GRB10: variants seen among roughly 807,000 people sequenced by gnomAD.
The protein encoded by GRB10 is growth factor receptor-bound protein 10.
A neutral mutation model predicts 80.9 loss-of-function variants in GRB10; 20 were observed. That is an observed-to-expected ratio of 0.25 (90% CI 0.17 to 0.36). GRB10 has a LOEUF of 0.36. Ranked by LOEUF, GRB10 falls within the 10% of genes least tolerant of loss-of-function variation. GRB10 has a pLI of 1.00. For synonymous variants in GRB10, 291 were observed against 291.5 expected, an observed-to-expected ratio of 1.00 and a Z score of 0.02; for missense variants, 548 against 747.7, an observed-to-expected ratio of 0.73 and a Z score of 3.12.
intron 6 of GRB10, among the ~76,000 whole-genome samples, chr7:50,671,786 G>A (rs2060380063): frequency 6.6e-6 from 1 of 152,280 alleles, no homozygotes; most frequent in Admixed American, 6.5e-5. Flanking sequence ...TATTTATTGG[G>A]TTGTTTTGAG....
At chr7:50,710,987 G>T in intron 4 of GRB10, 1 of 1,209,008 alleles carries the variant, frequency 8.3e-7, no homozygotes, top group Non-Finnish European at 1.2e-6. Context: ...AATATTTTCA[G>T]AACCTGGAGA....
intron 4 of GRB10, 76 bp downstream of exon 4, chr7:50,732,196 G>C (rs1307541676): frequency 1.4e-6 from 2 of 1,450,226 alleles, no homozygotes; most frequent in African/African-American, 2.8e-5. Context: ...ACGATCCATG[G>C]CTGCTGGCGA....
intron 7 of GRB10, among the ~76,000 whole-genome samples, chr7:50,647,427 A>G (rs2057358906): frequency 6.6e-6 from 1 of 152,222 alleles, no homozygotes; most frequent in African/African-American, 2.4e-5. Context: ...GCCCAGCTAC[A>G]TGGGGAGGGT....
chr7:50,710,938 G>A, intron 4 of GRB10: 1 of 1,607,940 alleles, frequency 6.2e-7, no homozygotes, highest in Non-Finnish European at 8.5e-7. Context: ...TCTCTACAGT[G>A]GGTATCACGT....
chr7:50,722,523 G>A (rs148599786), intron 4 of GRB10, among the ~76,000 whole-genome samples: 1 of 152,314 alleles, frequency 6.6e-6, no homozygotes, highest in Non-Finnish European at 1.5e-5. Context: ...GAACATAGTT[G>A]ATGGGGGCAC....
At chr7:50,737,404 C>G (rs935480437) in intron 3 of GRB10, among the ~76,000 whole-genome samples, 4 of 152,240 alleles carry the variant, frequency 2.6e-5, no homozygotes, top group Admixed American at 1.3e-4. Context: ...GTGCTTCCTT[C>G]CCCTTCACCT....
At chr7:50,764,081 C>T (rs2076071559) in intron 2 of GRB10, among the ~76,000 whole-genome samples, 1 of 152,228 alleles carries the variant, frequency 6.6e-6, no homozygotes, top group African/African-American at 2.4e-5. Flanking sequence ...CCCTCATGGC[C>T]TTTGCATGCT....
chr7:50,600,793 G>A (rs922747889), intron 17 of GRB10, among the ~76,000 whole-genome samples: 2 of 152,170 alleles, frequency 1.3e-5, no homozygotes, highest in African/African-American at 2.4e-5. Flanking sequence ...TGAGAGATGC[G>A]GCTGACAGCA....
chr7:50,635,706 C>T (rs188609537), intron 7 of GRB10, among the ~76,000 whole-genome samples: 1 of 152,092 alleles, frequency 6.6e-6, no homozygotes, highest in East Asian at 1.9e-4. Flanking sequence ...GACATTACAA[C>T]TGATACCACA....
At chr7:50,598,713 GA>G (rs2047067160) in intron 17 of GRB10, among the ~76,000 whole-genome samples, 1 of 152,142 alleles carries the variant, frequency 6.6e-6, no homozygotes, top group Non-Finnish European at 1.5e-5. Flanking sequence ...AAAAGCAGAC[GA>G]AAAGTGAAAG....
chr7:50,697,770 TG>T (rs1326930470), intron 5 of GRB10, among the ~76,000 whole-genome samples: 3 of 152,158 alleles, frequency 2.0e-5, no homozygotes, highest in African/African-American at 7.2e-5. Flanking sequence ...GGCACAGAGA[TG>T]GGAAAGGGAA....
At chr7:50,694,640 G>A (rs2063226433) in intron 5 of GRB10, among the ~76,000 whole-genome samples, 1 of 152,088 alleles carries the variant, frequency 6.6e-6, no homozygotes, top group Non-Finnish European at 1.5e-5. Context: ...CTACCCACAG[G>A]CTGGCACTGA....
At chr7:50,614,734 G>T in intron 12 of GRB10, 36 bp downstream of exon 12, 1 of 1,330,318 alleles carries the variant, frequency 7.5e-7, no homozygotes, top group Non-Finnish European at 1.1e-6. Flanking sequence ...GTGGGCTGCT[G>T]AGCATGCGCG....
At chr7:50,627,516 G>A (rs547338648) in intron 7 of GRB10, among the ~76,000 whole-genome samples, 48 of 152,252 alleles carry the variant, frequency 3.2e-4, no homozygotes, top group Non-Finnish European at 6.3e-4. Context: ...GGGTGGAGTG[G>A]AGATGAATTA....
chr7:50,648,061 G>A (rs1195154406), intron 7 of GRB10, among the ~76,000 whole-genome samples: 1 of 152,120 alleles, frequency 6.6e-6, no homozygotes, highest in Non-Finnish European at 1.5e-5. Context: ...GAGTTTGGAT[G>A]GGAATGTAAA....
chr7:50,593,078 C>G lies in GRB10; in HGVS notation c.1659G>C (p.Thr553=). 1 of 1,614,186 alleles carries G rather than the reference C, an allele frequency of 6.2e-7. No individual in the cohort carries two copies. The change falls in exon 19 of 19, where the codon ACG becomes ACC. Residue 553 remains threonine (T), a synonymous_variant. Coordinates refer to ENST00000401949, the MANE Select transcript of GRB10 (RefSeq NM_001350814.2). ...TGTTCCCGTCATCTAGGCTGAAGAA[C>G]GTCTGCCCGTCGTCCTCGCACTGGA... is the stretch of plus-strand genomic sequence containing the variant. ...QILPCEDDGQ[T]FFSLDDGNTK...
intron 5 of GRB10, among the ~76,000 whole-genome samples, chr7:50,702,275 C>T (rs2153667111): frequency 6.6e-6 from 1 of 152,270 alleles, no homozygotes; most frequent in East Asian, 1.9e-4. Context: ...AGCCCCACCA[C>T]AGCTCTCGGC....
At chr7:50,722,987 C>T (rs962452160) in intron 4 of GRB10, among the ~76,000 whole-genome samples, 1 of 152,132 alleles carries the variant, frequency 6.6e-6, no homozygotes, top group Non-Finnish European at 1.5e-5. Context: ...TATAAGTACC[C>T]TGCAAATGCC....
At chr7:50,790,142 AAC>A (rs1005619914) in intron 1 of GRB10, among the ~76,000 whole-genome samples, 73 of 152,350 alleles carry the variant, frequency 4.8e-4, no homozygotes, top group African/African-American at 1.6e-3. Context: ...AAGGAGTGAA[AAC>A]AGATACAGCT....
Sources: allele counts gnomAD v4.1 joint callset (sites outside exome capture counted in the v4.1 genomes callset), GRCh38; gene constraint gnomAD v4.1.1; transcripts MANE v1.5; gene names NCBI Gene and HGNC (gene_info 2026-07-23, HGNC 2026-07-21).